The following ARRB1 variants were observed in gnomAD, a reference collection of about 807,000 sequenced individuals.
ARRB1 encodes arrestin beta 1.
In ARRB1, 21 loss-of-function variants were observed where a neutral mutation model predicts 56.8. That is an observed-to-expected ratio of 0.37 (90% CI 0.26 to 0.53). The LOEUF (loss-of-function observed/expected upper bound fraction) is 0.53, where lower values mean the gene tolerates loss of function less well. Among genes scored for constraint, ARRB1 ranks in the 20% least tolerant of loss-of-function variants. The pLI is 0.88. For missense variants in ARRB1, 424 were observed against 553.7 expected (o/e 0.77, Z 2.35); for synonymous variants, 210 against 218.6 (o/e 0.96, Z 0.35).
At position 75,267,689 on chromosome 11, in the gene ARRB1, T is replaced by G. The variant is rs373898995; in HGVS notation, c.1108A>C (p.Thr370Pro). Residue 370 changes from threonine to proline, a missense_variant, in exon 15 of 16, where the codon ACG (threonine) becomes CCG (proline). By Grantham distance (38) the Thr-to-Pro change is conservative. Coordinates refer to ENST00000420843, the MANE Select transcript of ARRB1 (RefSeq NM_004041.5). ...PPHREVPENE[T>P]PVDTNLIELD... ...TCTATGAGATTGGTATCTACTGGCGTCTCGTTCTCTGGAACTAAACACAGG... is the reference window on the plus strand; with the variant it reads ...TCTATGAGATTGGTATCTACTGGCGGCTCGTTCTCTGGAACTAAACACAGG... The G allele has an allele frequency of 2.0e-6, 3 of 1,466,898 alleles. No homozygotes were observed. The highest frequency in any genetic ancestry group is 2.2e-5 in the South Asian group (2 of 88,902). The allele number at this position is 1,466,898 out of a possible 1,614,324, so 90.9% of individuals were successfully genotyped here.
intron 1 of ARRB1, among the ~76,000 whole-genome samples, chr11:75,326,941 A>G (rs781128145): frequency 5.3e-4 from 80 of 152,102 alleles, no homozygotes; most frequent in Middle Eastern, 6.8e-3. Flanking sequence ...GCCTGAGCTC[A>G]AGTGATCTGC....
At chr11:75,270,035 G>A (rs191785318) in intron 13 of ARRB1, among the ~76,000 whole-genome samples, 186 of 152,378 alleles carry the variant, frequency 1.2e-3, no homozygotes, top group African/African-American at 4.4e-3. Context: ...GGCACAAGCC[G>A]TGCAATTAGA....
At chr11:75,308,218 T>G (rs1947074186) in intron 1 of ARRB1, among the ~76,000 whole-genome samples, 1 of 152,176 alleles carries the variant, frequency 6.6e-6, no homozygotes, top group South Asian at 2.1e-4. Context: ...CGACACTTTA[T>G]GAGCTCAGTC....
intron 8 of ARRB1, among the ~76,000 whole-genome samples, chr11:75,277,671 T>C (rs1270815692): frequency 1.3e-5 from 2 of 152,084 alleles, no homozygotes; most frequent in Admixed American, 6.5e-5. Flanking sequence ...CCCCAAGGCA[T>C]TGTGACATTT....
chr11:75,300,876 G>C (rs1226420655), intron 1 of ARRB1, among the ~76,000 whole-genome samples: 6 of 148,418 alleles, frequency 4.0e-5, no homozygotes, highest in Non-Finnish European at 7.4e-5. Flanking sequence ...GCTGAGGCAG[G>C]AGAATGGCGT....
At chr11:75,290,471 G>C (rs1379352216) in intron 1 of ARRB1, among the ~76,000 whole-genome samples, 1 of 152,040 alleles carries the variant, frequency 6.6e-6, no homozygotes, top group Non-Finnish European at 1.5e-5. Flanking sequence ...CCACCTCGGG[G>C]ACAGTTCTCT....
chr11:75,269,340 CT>C (rs1299423636), intron 13 of ARRB1: 3 of 395,100 alleles, frequency 7.6e-6, no homozygotes, highest in African/African-American at 6.2e-5. Context: ...CTCGCCTCCC[CT>C]GACACTGCCC....
intron 1 of ARRB1, among the ~76,000 whole-genome samples, chr11:75,335,944 A>G (rs1404684092): frequency 6.6e-6 from 1 of 152,244 alleles, no homozygotes; most frequent in Non-Finnish European, 1.5e-5. Context: ...CACCTATTGC[A>G]TACTAAAGAT....
chr11:75,336,427 C>T (rs1469172835), intron 1 of ARRB1, among the ~76,000 whole-genome samples: 1 of 152,150 alleles, frequency 6.6e-6, no homozygotes, highest in Non-Finnish European at 1.5e-5. Context: ...CTGCTGACTC[C>T]TCTCAGCGCC....
At chr11:75,304,567 C>T (rs1316751556) in intron 1 of ARRB1, among the ~76,000 whole-genome samples, 2 of 151,396 alleles carry the variant, frequency 1.3e-5, no homozygotes, top group South Asian at 2.1e-4. Context: ...CAGCCAGTAC[C>T]GTTGGTTCTC....
intron 10 of ARRB1, among the ~76,000 whole-genome samples, chr11:75,276,315 G>T (rs1434815523): frequency 2.0e-5 from 3 of 152,114 alleles, no homozygotes; most frequent in Non-Finnish European, 4.4e-5. Flanking sequence ...CTGCCAACAA[G>T]CCTGGGACAA....
At chr11:75,282,766 CT>C (rs1565113789) in intron 5 of ARRB1, among the ~76,000 whole-genome samples, 1 of 152,244 alleles carries the variant, frequency 6.6e-6, no homozygotes, top group Admixed American at 6.5e-5. Context: ...CTCCATGACC[CT>C]CTCCACTCTC....
rs1945901249 is a variant in ARRB1 at position 75,266,118 on chromosome 11, G to A, written c.*45C>T. 3.5e-6 allele frequency: 5 copies of A among 1,438,976 alleles called. No homozygotes were observed. Among genetic ancestry groups the A allele is most frequent in the South Asian group, 2.3e-5 (2 of 87,462 alleles). 89.1% of individuals were successfully genotyped at this position (1,438,976 alleles called of 1,614,324 possible). On this transcript the variant is annotated 3_prime_UTR_variant, in exon 16 of 16. Coordinates refer to ENST00000420843, the MANE Select transcript of ARRB1 (RefSeq NM_004041.5). ...GAAGAAGACGAGTAAGCATCCGAGT[G>A]CACGAGAGTGGAGCCGGAGCCACGT... is the stretch of plus-strand genomic sequence containing the variant.
At chr11:75,284,796 G>A (rs532911307) in intron 3 of ARRB1, among the ~76,000 whole-genome samples, 15 of 152,202 alleles carry the variant, frequency 9.9e-5, no homozygotes, top group South Asian at 4.2e-4. Flanking sequence ...CCAGCTACTC[G>A]GGAGACTGAA....
intron 1 of ARRB1, among the ~76,000 whole-genome samples, chr11:75,318,686 T>C (rs564293865): frequency 2.2e-3 from 324 of 150,486 alleles, no homozygotes; most frequent in African/African-American, 7.7e-3. Flanking sequence ...TGAGACTCTG[T>C]CTCAAAAAAA....
intron 7 of ARRB1, among the ~76,000 whole-genome samples, chr11:75,280,329 T>C (rs36006020): frequency 0.015 from 2,260 of 152,304 alleles, 46 homozygotes; most frequent in African/African-American, 0.052. Flanking sequence ...ATACACCCTA[T>C]AGCCACCAGG....
At position 75,283,347 on chromosome 11, in the gene ARRB1, C is replaced by T. The variant is rs147830535; in HGVS notation, c.294G>A (p.Thr98=). The change falls in exon 5 of 16, where the codon ACG becomes ACA. Residue 98 remains threonine, a synonymous_variant. Coordinates refer to ENST00000420843, the MANE Select transcript of ARRB1 (RefSeq NM_004041.5). ...TCTTGATGAGGCGTTCCTGCAGCCG[C>T]GTCAGGGGCTTCTTGTCCTCGGGGG... ...PPAPEDKKPL[T]RLQERLIKKL... 277 of 1,614,092 alleles carry T rather than the reference C, an allele frequency of 1.7e-4. 1 individual carries two copies. The South Asian group carries it at 2.8e-3, about 16-fold the overall frequency.
At chr11:75,317,296 C>G (rs147956545) in intron 1 of ARRB1, among the ~76,000 whole-genome samples, 1 of 152,200 alleles carries the variant, frequency 6.6e-6, no homozygotes, top group East Asian at 1.9e-4. Flanking sequence ...CTCTCACCCA[C>G]CCTTAGCCCC....
chr11:75,326,553 G>GT (rs1388394378), intron 1 of ARRB1, among the ~76,000 whole-genome samples: 1 of 151,956 alleles, frequency 6.6e-6, no homozygotes, highest in African/African-American at 2.4e-5. Context: ...CTTGGGCAGT[G>GT]TGGGAAGTCT....
Sources: allele counts gnomAD v4.1 joint callset (sites outside exome capture counted in the v4.1 genomes callset), GRCh38; gene constraint gnomAD v4.1.1; transcripts MANE v1.5; gene names NCBI Gene and HGNC (gene_info 2026-07-23, HGNC 2026-07-21).